Variants in ANTXR1 observed in about 807,000 individuals in gnomAD.
ANTXR1 encodes ANTXR cell adhesion molecule 1, also known as anthrax toxin receptor 1.
A neutral mutation model predicts 78.1 loss-of-function variants in ANTXR1; 19 were observed. That is an observed-to-expected ratio of 0.24 (90% confidence interval 0.17 to 0.36). The LOEUF is 0.36. Ranked by LOEUF, ANTXR1 falls within the 10% of genes least tolerant of loss-of-function variation. ANTXR1 has a pLI of 1.00. For missense variants in ANTXR1, 518 were observed against 718.6 expected, an observed-to-expected ratio of 0.72 and a Z score of 3.19; for synonymous variants, 273 against 260.5, an observed-to-expected ratio of 1.05 and a Z score of -0.46.
chr2:69,059,716 A>G (rs543077095), intron 3 of ANTXR1, among the ~76,000 whole-genome samples: 2 of 152,312 alleles, frequency 1.3e-5, no homozygotes, highest in East Asian at 3.9e-4. Flanking sequence ...GTATAGCATA[A>G]CTTTTATATG....
chr2:69,134,161 T>C (rs1424117640), intron 12 of ANTXR1, among the ~76,000 whole-genome samples: 3 of 152,164 alleles, frequency 2.0e-5, no homozygotes, highest in South Asian at 4.1e-4. Context: ...CGTTCGAATA[T>C]TGTGTTCAGT....
intron 17 of ANTXR1, among the ~76,000 whole-genome samples, chr2:69,244,229 T>A (rs1675960966): frequency 6.6e-6 from 1 of 152,150 alleles, no homozygotes; most frequent in African/African-American, 2.4e-5. Context: ...GGAGGCTGCT[T>A]TAAGGGGTTC....
chr2:69,071,692 T>C (rs1339824297), intron 4 of ANTXR1, 62 bp from the exon 5 acceptor site: 3 of 1,544,894 alleles, frequency 1.9e-6, no homozygotes, highest in Non-Finnish European at 2.7e-6. Context: ...CATTATCCAC[T>C]ATGGTTTTTG....
At chr2:69,245,116 C>A (rs2104536400) in intron 17 of ANTXR1, 109 bp from the exon 18 acceptor site, 2 of 1,323,940 alleles carry the variant, frequency 1.5e-6, no homozygotes, top group Admixed American at 1.7e-5. Flanking sequence ...GAGTTGTCAC[C>A]AACAGGGGCC....
chr2:69,141,092 T>C (rs1194697987), intron 12 of ANTXR1, among the ~76,000 whole-genome samples: 1 of 152,232 alleles, frequency 6.6e-6, no homozygotes, highest in East Asian at 1.9e-4. Flanking sequence ...CTTAAGGGCC[T>C]GAATTTCTCA....
intron 10 of ANTXR1, among the ~76,000 whole-genome samples, chr2:69,115,355 C>T (rs1672108856): frequency 6.6e-6 from 1 of 152,260 alleles, no homozygotes; most frequent in Non-Finnish European, 1.5e-5. Flanking sequence ...ACATCCACAA[C>T]TTGTGTTTTG....
At chr2:69,116,701 A>G (rs1672154110) in intron 10 of ANTXR1, among the ~76,000 whole-genome samples, 1 of 152,236 alleles carries the variant, frequency 6.6e-6, no homozygotes, top group Admixed American at 6.5e-5. Context: ...CTTCGGGCTT[A>G]CATCAGCTTT....
chr2:69,073,238 A>AAAT lies in ANTXR1; in HGVS notation c.492+150_492+152dup, dbSNP rs113688651. On this transcript the variant is annotated intron_variant, in intron 6 of 17. Coordinates refer to ENST00000303714, the MANE Select transcript of ANTXR1 (RefSeq NM_032208.3). ...GAATGAAATAGAGTTTCATAAGTAG[A>AAAT]AATAATAATAATAATTCGTGTTCTA... The AAAT allele has an allele frequency of 1.3e-4, 99 of 743,198 alleles. 1 individual carries two copies. Among genetic ancestry groups the AAAT allele is most frequent in the African/African-American group, 1.3e-3 (73 of 56,948 alleles). 46.0% of individuals were successfully genotyped at this position (743,198 alleles called of 1,614,324 possible).
chr2:69,222,269 T>C (rs1675337315), intron 17 of ANTXR1, among the ~76,000 whole-genome samples: 1 of 152,210 alleles, frequency 6.6e-6, no homozygotes, highest in Non-Finnish European at 1.5e-5. Context: ...TTACAATTTT[T>C]TTCTTCACCC....
intron 3 of ANTXR1, among the ~76,000 whole-genome samples, chr2:69,062,449 G>A (rs1670273180): frequency 6.6e-6 from 1 of 152,106 alleles, no homozygotes; most frequent in African/African-American, 2.4e-5. Context: ...AGATCACAAA[G>A]GCAGGGCAGG....
At chr2:69,160,366 G>A (rs4519561) in intron 13 of ANTXR1, among the ~76,000 whole-genome samples, 4,774 of 152,170 alleles carry the variant, frequency 0.031, 224 homozygotes, top group African/African-American at 0.11. Flanking sequence ...TTTCAATGCC[G>A]CATCTTCCTC....
At chr2:69,051,992 G>T (rs1010500089) in intron 3 of ANTXR1, among the ~76,000 whole-genome samples, 10 of 151,960 alleles carry the variant, frequency 6.6e-5, no homozygotes, top group Non-Finnish European at 5.9e-5. Flanking sequence ...ATTTTTCAAT[G>T]ATTTGAAAAG....
chr2:69,103,142 T>C, intron 10 of ANTXR1: 1 of 644,604 alleles, frequency 1.6e-6, no homozygotes, highest in Non-Finnish European at 2.8e-6. Context: ...CACAGCCCCA[T>C]GGGTGTCCAG....
intron 17 of ANTXR1, among the ~76,000 whole-genome samples, chr2:69,217,013 G>T (rs1675194636): frequency 6.6e-6 from 1 of 152,178 alleles, no homozygotes; most frequent in African/African-American, 2.4e-5. Context: ...TGTGTGAACT[G>T]ATCTGCTGAA....
chr2:69,116,731 TC>T (rs1253231804), intron 10 of ANTXR1, among the ~76,000 whole-genome samples: 1 of 152,170 alleles, frequency 6.6e-6, no homozygotes, highest in African/African-American at 2.4e-5. Flanking sequence ...TAACACACCC[TC>T]CCGCTGCCTC....
intron 12 of ANTXR1, among the ~76,000 whole-genome samples, chr2:69,139,523 G>C (rs1396115653): frequency 6.6e-6 from 1 of 152,208 alleles, no homozygotes; most frequent in Non-Finnish European, 1.5e-5. Flanking sequence ...TTGGTTTATT[G>C]ACACCCTATT....
At chr2:69,108,612 C>T (rs1340614876) in intron 10 of ANTXR1, among the ~76,000 whole-genome samples, 2 of 152,068 alleles carry the variant, frequency 1.3e-5, no homozygotes, top group Non-Finnish European at 2.9e-5. Context: ...GATCTTCTCT[C>T]TCCTCTCACC....
intron 2 of ANTXR1, among the ~76,000 whole-genome samples, chr2:69,044,392 C>T (rs1281913720): frequency 6.6e-6 from 1 of 152,134 alleles, no homozygotes; most frequent in African/African-American, 2.4e-5. Flanking sequence ...CTATCGGGAT[C>T]CCCTTTTATA....
chr2:69,144,124 G>C (rs1448772518), intron 12 of ANTXR1, among the ~76,000 whole-genome samples: 1 of 152,166 alleles, frequency 6.6e-6, no homozygotes, highest in Non-Finnish European at 1.5e-5. Context: ...CAGCTGCTTG[G>C]GATGGTTCTA....
Sources: allele counts gnomAD v4.1 joint callset (sites outside exome capture counted in the v4.1 genomes callset), GRCh38; gene constraint gnomAD v4.1.1; transcripts MANE v1.5; gene names NCBI Gene and HGNC (gene_info 2026-07-23, HGNC 2026-07-21).